NETO1: variants seen among roughly 807,000 people sequenced by gnomAD.
NETO1 encodes neuropilin and tolloid-like protein 1.
NETO1 carries 26 observed loss-of-function variants against 61.3 expected under a neutral mutation model. The ratio of observed to expected loss-of-function variants is 0.42; its 90% CI spans 0.31 to 0.59. The LOEUF (loss-of-function observed/expected upper bound fraction) is 0.59, where lower values mean the gene tolerates loss of function less well. NETO1 is among the 20% of genes least tolerant of loss of function. The pLI, the probability that NETO1 is intolerant of heterozygous loss-of-function variation, is 0.12. For missense variants in NETO1, 531 were observed against 662.8 expected (o/e 0.80, Z 2.18); for synonymous variants, 225 against 225.8 (o/e 1.00, Z 0.03).
intron 7 of NETO1, among the ~76,000 whole-genome samples, chr18:72,783,362 A>G (rs1219110109): frequency 6.6e-6 from 1 of 152,250 alleles, no homozygotes; most frequent in African/African-American, 2.4e-5. Context: ...CTTCATCAGA[A>G]GCTGCTGCAT....
At chr18:72,779,364 T>C (rs1054099893) in intron 7 of NETO1, among the ~76,000 whole-genome samples, 16 of 151,908 alleles carry the variant, frequency 1.1e-4, no homozygotes, top group Admixed American at 3.3e-4. Flanking sequence ...ATAAAAAATA[T>C]ATGAATAGTC....
chr18:72,833,033 T>G (rs1199513656), intron 4 of NETO1, among the ~76,000 whole-genome samples: 1 of 152,192 alleles, frequency 6.6e-6, no homozygotes, highest in African/African-American at 2.4e-5. Context: ...GGTCATCAAT[T>G]CAAGAGATGG....
At chr18:72,758,216 G>C (rs1306510201) in intron 7 of NETO1, among the ~76,000 whole-genome samples, 2 of 152,108 alleles carry the variant, frequency 1.3e-5, no homozygotes, top group African/African-American at 4.8e-5. Flanking sequence ...AACTATCAAT[G>C]TTCCAGGATC....
At chr18:72,844,291 A>C (rs1011674690) in intron 4 of NETO1, among the ~76,000 whole-genome samples, 3 of 152,116 alleles carry the variant, frequency 2.0e-5, no homozygotes, top group Admixed American at 6.5e-5. Flanking sequence ...TGCTTCTAAC[A>C]CTTTCTTATT....
At chr18:72,867,161 C>T (rs932043946) in intron 1 of NETO1, 103 bp downstream of exon 1, 1 of 862,214 alleles carries the variant, frequency 1.2e-6, no homozygotes, top group Admixed American at 3.5e-5. Context: ...CTGCAGGGTC[C>T]GCCGGAGCGC....
intron 6 of NETO1, among the ~76,000 whole-genome samples, chr18:72,793,076 T>C (rs1342755476): frequency 6.6e-6 from 1 of 152,178 alleles, no homozygotes; most frequent in African/African-American, 2.4e-5. Context: ...CTGTTACATA[T>C]TGGTTTAAGA....
chr18:72,794,147 C>T lies in NETO1; in HGVS notation c.609G>A (p.Lys203=). The change falls in exon 6 of 11, where the codon AAG becomes AAA. Residue 203 remains lysine, a synonymous_variant. Transcript: ENST00000327305. ...ACCGTGGAGGTGCTCGGATGTACCACTTGCAATCAACAGCCTCGCTAGCAG... is the reference window on the plus strand; with the variant it reads ...ACCGTGGAGGTGCTCGGATGTACCATTTGCAATCAACAGCCTCGCTAGCAG... ...KATASEAVDC[K]WYIRAPPRSK... is the part of the protein sequence containing the mutation. The T allele has an allele frequency of 6.2e-7, 1 of 1,614,198 alleles. No homozygotes were observed. Among genetic ancestry groups the T allele is most frequent in the Non-Finnish European group, 8.5e-7 (1 of 1,180,040 alleles).
At chr18:72,834,952 T>C (rs979871740) in intron 4 of NETO1, 4 of 761,654 alleles carry the variant, frequency 5.3e-6, no homozygotes, top group African/African-American at 1.9e-5. Flanking sequence ...ATATATTACA[T>C]AAAACAATAT....
intron 7 of NETO1, among the ~76,000 whole-genome samples, chr18:72,772,793 T>TCTC (rs1391807702): frequency 0.011 from 659 of 58,554 alleles, 88 homozygotes; most frequent in Middle Eastern, 0.022. Context: ...CTCTATATAG[T>TCTC]TCTCTCTCTC....
At chr18:72,755,272 T>C (rs11151793) in intron 8 of NETO1, among the ~76,000 whole-genome samples, 41,954 of 152,110 alleles carry the variant, frequency 0.28, 6,597 homozygotes, top group African/African-American at 0.41. Context: ...CCTCTCCTAC[T>C]GACTGTATGA....
At chr18:72,789,025 T>A (rs1415939640) in intron 6 of NETO1, among the ~76,000 whole-genome samples, 1 of 152,164 alleles carries the variant, frequency 6.6e-6, no homozygotes, top group African/African-American at 2.4e-5. Context: ...GACACCTTTA[T>A]AAATAAAATC....
intron 1 of NETO1, chr18:72,866,990 A>T: frequency 2.3e-6 from 1 of 442,624 alleles, no homozygotes; most frequent in Non-Finnish European, 3.9e-6. Context: ...TCCATCCCTG[A>T]ACTGCACGCT....
chr18:72,782,539 T>C (rs2071778641), intron 7 of NETO1, among the ~76,000 whole-genome samples: 1 of 152,216 alleles, frequency 6.6e-6, no homozygotes, highest in Non-Finnish European at 1.5e-5. Flanking sequence ...GCACAGTGGC[T>C]CATGCCTCTA....
chr18:72,776,785 C>A (rs988501920), intron 7 of NETO1, among the ~76,000 whole-genome samples: 126 of 152,246 alleles, frequency 8.3e-4, no homozygotes, highest in African/African-American at 2.9e-3. Flanking sequence ...GGTGACATAA[C>A]CCTTCAGACT....
At chr18:72,805,436 A>G (rs530401753) in intron 4 of NETO1, among the ~76,000 whole-genome samples, 1 of 152,222 alleles carries the variant, frequency 6.6e-6, no homozygotes, top group South Asian at 2.1e-4. Flanking sequence ...TCATTTAGTT[A>G]GATCCACGAA....
chr18:72,861,137 C>T (rs917189251), intron 3 of NETO1, among the ~76,000 whole-genome samples: 4 of 152,198 alleles, frequency 2.6e-5, no homozygotes, highest in South Asian at 2.1e-4. Context: ...TCCATACCTT[C>T]GCTCTTATTA....
chr18:72,851,377 C>T (rs1051959990), intron 4 of NETO1, among the ~76,000 whole-genome samples: 2 of 150,390 alleles, frequency 1.3e-5, no homozygotes, highest in African/African-American at 5.0e-5. Flanking sequence ...CACCACTGCA[C>T]TCCAGCCTGG....
intron 4 of NETO1, among the ~76,000 whole-genome samples, chr18:72,843,816 G>T (rs758207602): frequency 6.6e-6 from 1 of 152,178 alleles, no homozygotes; most frequent in Non-Finnish European, 1.5e-5. Flanking sequence ...TTGGTAACTC[G>T]CTAAGATTGT....
At chr18:72,849,325 CA>C (rs1255148755) in intron 4 of NETO1, among the ~76,000 whole-genome samples, 1 of 152,204 alleles carries the variant, frequency 6.6e-6, no homozygotes, top group Non-Finnish European at 1.5e-5. Context: ...GGTTTCCAAA[CA>C]CATATTCCAT....
Sources: allele counts gnomAD v4.1 joint callset (sites outside exome capture counted in the v4.1 genomes callset), GRCh38; gene constraint gnomAD v4.1.1; transcripts MANE v1.5; gene names NCBI Gene and HGNC (gene_info 2026-07-23, HGNC 2026-07-21).